Variants in RNF135 observed in about 807,000 individuals in gnomAD.
The protein encoded by RNF135 is ring finger protein 135.
Under a neutral mutation model 41.9 loss-of-function variants are expected in RNF135, and 46 were observed. The ratio of observed to expected loss-of-function variants is 1.10; its 90% CI spans 0.87 to 1.40. The LOEUF (loss-of-function observed/expected upper bound fraction) is 1.40. Among genes scored for constraint, RNF135 ranks in the 40% most tolerant of loss-of-function variants. The pLI, the probability that RNF135 is intolerant of heterozygous loss-of-function variation, is 0.00. For synonymous variants in RNF135, 238 were observed against 223.8 expected (o/e 1.06, Z -0.57); for missense variants, 539 against 549.8 (o/e 0.98, Z 0.20).
At chr17:30,987,243 T>G (rs972550550) in intron 2 of RNF135, among the ~76,000 whole-genome samples, 15 of 152,104 alleles carry the variant, frequency 9.9e-5, no homozygotes, top group South Asian at 4.2e-4. Flanking sequence ...TTTTTTTTTT[T>G]TGTGAAATGG....
intron 2 of RNF135, among the ~76,000 whole-genome samples, chr17:30,985,061 T>C (rs1168589000): frequency 1.3e-5 from 2 of 152,184 alleles, no homozygotes; most frequent in Non-Finnish European, 2.9e-5. Context: ...TTCATTGACC[T>C]TTCAGCAGCC....
intron 1 of RNF135, among the ~76,000 whole-genome samples, chr17:30,976,292 C>T (rs1009150998): frequency 2.0e-5 from 3 of 152,362 alleles, no homozygotes; most frequent in Non-Finnish European, 2.9e-5. Flanking sequence ...GCATGAACCA[C>T]CACGCCCAGC....
intron 1 of RNF135, among the ~76,000 whole-genome samples, chr17:30,977,964 T>C (rs1447368227): frequency 6.6e-6 from 1 of 152,080 alleles, no homozygotes; most frequent in Non-Finnish European, 1.5e-5. Flanking sequence ...TCTGGGAGAG[T>C]CTATTTCTCC....
chr17:30,985,368 G>C (rs1189736093), intron 2 of RNF135, among the ~76,000 whole-genome samples: 1 of 152,030 alleles, frequency 6.6e-6, no homozygotes, highest in Admixed American at 6.6e-5. Flanking sequence ...TTTTCTTCTT[G>C]GGTATCTCAA....
chr17:30,999,065 A>G lies in RNF135; in HGVS notation c.1173A>G (p.Ser391=), dbSNP rs770143425. Residue 391 remains serine, a synonymous_variant, in exon 5 of 5, where the codon TCA becomes TCG. Coordinates refer to ENST00000328381, the MANE Select transcript of RNF135 (RefSeq NM_032322.4). ...AGGAGGGAAAGCTTGCCTTCTATTC[A>G]GTGGACAATCAGGAGAAGCTTCTGT... The part of the protein sequence containing the change: ...NLEEGKLAFY[S]VDNQEKLLYE... 3.7e-6 allele frequency: 6 copies of G among 1,614,160 alleles called. No individual in the cohort carries two copies. The South Asian group carries it at 6.6e-5, about 18-fold the overall frequency.
Position 30,971,257 on chromosome 17 carries a change from T to G in RNF135, c.184T>G (p.Cys62Gly). 9 of 1,522,426 alleles carry G rather than the reference T, an allele frequency of 5.9e-6. No homozygotes were observed. Among genetic ancestry groups the G allele is most frequent in the Non-Finnish European group, 7.9e-6 (9 of 1,140,108 alleles). 94.3% of individuals were successfully genotyped at this position (1,522,426 alleles called of 1,614,324 possible). A position where few individuals can be genotyped will look rare whatever the true frequency, so the allele number is the denominator to read the frequency against. Residue 62 changes from cysteine to glycine, a missense_variant, in exon 1 of 5, where the codon TGC becomes GGC. By Grantham distance (159) the Cys-to-Gly change is radical (BLOSUM62 -3). Transcript: ENST00000328381. ...RDARRWACPT[C>G]RQGAAQQPHL... Reference sequence around the variant, plus strand: ...CGCCCGCCGCTGGGCCTGCCCCACTTGCCGCCAGGGCGCCGCGCAGCAGCC... The same window carrying G: ...CGCCCGCCGCTGGGCCTGCCCCACTGGCCGCCAGGGCGCCGCGCAGCAGCC...
intron 3 of RNF135, among the ~76,000 whole-genome samples, chr17:30,989,984 C>CAA (rs10627734): frequency 0.027 from 1,478 of 54,896 alleles, 67 homozygotes; most frequent in African/African-American, 0.065. Context: ...AACTCTGTCT[C>CAA]AAAAAAAAAA....
At chr17:30,970,757 C>T, upstream of RNF135, 1 of 460,004 alleles carries the variant, frequency 2.2e-6, no homozygotes, top group South Asian at 2.6e-5. Context: ...TCCAACGGTG[C>T]TGCATCTTAA....
chr17:30,993,058 A>ATTATTG (rs1555575327), intron 3 of RNF135, among the ~76,000 whole-genome samples: 8 of 148,434 alleles, frequency 5.4e-5, no homozygotes, highest in African/African-American at 2.0e-4. Context: ...TATTATTATT[A>ATTATTG]TTATTATTAT....
intron 1 of RNF135, chr17:30,972,662 G>A (rs1250546414): frequency 6.6e-6 from 1 of 152,188 alleles, no homozygotes; most frequent in Non-Finnish European, 1.5e-5. Flanking sequence ...TTTGTGCCTG[G>A]TTTCTTTCAC....
In RNF135 at chr17:30,998,790, A is replaced by G. The variant is rs1449517921; in HGVS notation, c.898A>G (p.Ser300Gly). Residue 300 changes from serine (S) to glycine (G), a missense_variant, in exon 5 of 5, where the codon AGC (serine) becomes GGC (glycine). Physicochemically the swap from Ser to Gly is moderately conservative, Grantham distance 56. Coordinates refer to ENST00000328381, the MANE Select transcript of RNF135 (RefSeq NM_032322.4). ...CTGGAGCTGTGAGAGGTTTTCTACCAGCCAGGTCTTATGTTCCCAGGCCCT... is the reference window on the plus strand; with the variant it reads ...CTGGAGCTGTGAGAGGTTTTCTACCGGCCAGGTCTTATGTTCCCAGGCCCT... ...YRWSCERFST[S>G]QVLCSQALSS... The G allele has an allele frequency of 1.4e-5, 22 of 1,613,338 alleles. No homozygotes were observed. The highest frequency in any genetic ancestry group is 1.9e-5 in the Non-Finnish European group (22 of 1,179,790).
chr17:30,968,760 T>G (rs1466073609), upstream of RNF135: 1 of 152,194 alleles, frequency 6.6e-6, no homozygotes, highest in Non-Finnish European at 1.5e-5. Context: ...AGAAAAAAGT[T>G]TGAAAACTAC....
At chr17:30,970,682 C>G (rs1358895724), upstream of RNF135, 1 of 263,216 alleles carries the variant, frequency 3.8e-6, no homozygotes, top group African/African-American at 2.3e-5. Context: ...TCCTCTCCTC[C>G]CAAGAGTTGT....
In RNF135 at chr17:30,971,697, T is replaced by C. The variant is rs1025246455; in HGVS notation, c.372+252T>C. ...GTTACACAGCTTGGCATATTTCAACTTCTTCCCAATCGATCTTCGGTCTCT... is the reference window on the plus strand; with the variant it reads ...GTTACACAGCTTGGCATATTTCAACCTCTTCCCAATCGATCTTCGGTCTCT... On this transcript the variant is annotated intron_variant, in intron 1 of 4. Coordinates refer to ENST00000328381, the MANE Select transcript of RNF135 (RefSeq NM_032322.4). 4 of 1,326,528 alleles carry C rather than the reference T, an allele frequency of 3.0e-6. No homozygotes were observed. The Admixed American group carries it at 1.2e-4, about 40-fold the overall frequency. 82.2% of individuals were successfully genotyped at this position (1,326,528 alleles called of 1,614,324 possible).
chr17:30,994,350 C>T (rs1908195037), intron 3 of RNF135, among the ~76,000 whole-genome samples: 1 of 151,952 alleles, frequency 6.6e-6, no homozygotes, highest in Non-Finnish European at 1.5e-5. Context: ...CAAGAGCAGC[C>T]TGGGTAACAT....
upstream of RNF135, chr17:30,970,917 C>G (rs1598071558): frequency 4.8e-6 from 5 of 1,051,222 alleles, no homozygotes; most frequent in East Asian, 1.3e-4. Flanking sequence ...CTGTTTTCAG[C>G]AGGATCGGAG....
chr17:30,986,079 C>G (rs537722796), intron 2 of RNF135, among the ~76,000 whole-genome samples: 33 of 152,312 alleles, frequency 2.2e-4, no homozygotes, highest in South Asian at 6.2e-4. Flanking sequence ...TCTGAGGACT[C>G]CATGTACCTT....
At chr17:30,966,853 T>A (rs1905572923), upstream of RNF135, among the ~76,000 whole-genome samples, 2 of 151,984 alleles carry the variant, frequency 1.3e-5, no homozygotes, top group Admixed American at 1.3e-4. Flanking sequence ...AATCAAGTTG[T>A]TAATTGAGAG....
At chr17:30,975,920 G>T in intron 1 of RNF135, 1 of 590,548 alleles carries the variant, frequency 1.7e-6, no homozygotes, top group Non-Finnish European at 3.2e-6. Flanking sequence ...CTTCAATTCT[G>T]ACTCTTCTGC....
Sources: gnomAD v4.1 joint callset for allele counts (sites outside exome capture counted in the v4.1 genomes callset) on GRCh38, gnomAD v4.1.1 for gene constraint, MANE v1.5 for transcripts, NCBI Gene and HGNC (gene_info 2026-07-23, HGNC 2026-07-21) for gene names.